CTNNA2: variants seen among roughly 807,000 people sequenced by gnomAD.
CTNNA2 encodes catenin alpha 2.
Under a neutral mutation model 101.0 loss-of-function variants are expected in CTNNA2, and 42 were observed. That is an observed-to-expected ratio of 0.42 (90% confidence interval 0.32 to 0.54). The LOEUF (loss-of-function observed/expected upper bound fraction) is 0.54, where lower values mean the gene tolerates loss of function less well. CTNNA2 is among the 20% of genes least tolerant of loss of function. CTNNA2 has a pLI of 0.14. For missense variants in CTNNA2, 871 were observed against 1,223.1 expected (o/e 0.71, Z 4.29); for synonymous variants, 450 against 456.4 (o/e 0.99, Z 0.18).
chr2:80,587,153 T>C (rs1290716960), intron 14 of CTNNA2, among the ~76,000 whole-genome samples: 1 of 152,170 alleles, frequency 6.6e-6, no homozygotes, highest in Admixed American at 6.5e-5. Flanking sequence ...AGGAATTCTA[T>C]GAATTTCTCT....
intron 1 of CTNNA2, 52 bp downstream of exon 1, chr2:79,513,259 A>T (rs1048512424): frequency 5.4e-5 from 1 of 18,616 alleles, no homozygotes. Flanking sequence ...CTCCCTCCCC[A>T]CCTCCCTCCC....
At chr2:80,389,429 A>G (rs1293911393) in intron 7 of CTNNA2, among the ~76,000 whole-genome samples, 2 of 151,906 alleles carry the variant, frequency 1.3e-5, no homozygotes, top group African/African-American at 4.8e-5. Context: ...CTCCCTCCTC[A>G]CTATCCCCCA....
intron 1 of CTNNA2, among the ~76,000 whole-genome samples, chr2:79,584,877 CAGTCTCACAT>C (rs1400123374): frequency 6.6e-6 from 1 of 152,162 alleles, no homozygotes; most frequent in Admixed American, 6.5e-5. Flanking sequence ...GTGTATGCAC[CAGTCTCACAT>C]AGACATCCGG....
At chr2:80,217,087 C>T (rs1477227758) in intron 7 of CTNNA2, among the ~76,000 whole-genome samples, 1 of 152,058 alleles carries the variant, frequency 6.6e-6, no homozygotes, top group Admixed American at 6.6e-5. Context: ...CCACCTCGGC[C>T]TCCCAAAATG....
At chr2:80,377,036 A>G (rs1293559756) in intron 7 of CTNNA2, among the ~76,000 whole-genome samples, 2 of 152,202 alleles carry the variant, frequency 1.3e-5, no homozygotes, top group African/African-American at 4.8e-5. Flanking sequence ...TGAATTCCTC[A>G]TGACTGGACT....
chr2:79,427,743 A>G (rs1387517685), intron 4 of CTNNA2, among the ~76,000 whole-genome samples: 1 of 151,700 alleles, frequency 6.6e-6, no homozygotes, highest in Non-Finnish European at 1.5e-5. Flanking sequence ...TTCCGTTCAT[A>G]CTCTGAGGTC....
At chr2:79,827,629 A>T (rs1435421026) in intron 3 of CTNNA2, among the ~76,000 whole-genome samples, 1 of 152,232 alleles carries the variant, frequency 6.6e-6, no homozygotes, top group African/African-American at 2.4e-5. Flanking sequence ...GCCAGCATTT[A>T]CATAGAGACT....
intron 3 of CTNNA2, among the ~76,000 whole-genome samples, chr2:79,755,935 C>T (rs543303126): frequency 3.9e-5 from 6 of 152,154 alleles, no homozygotes; most frequent in South Asian, 4.1e-4. Flanking sequence ...AATGCATACA[C>T]GTGAAAATGT....
intron 3 of CTNNA2, among the ~76,000 whole-genome samples, chr2:79,791,798 C>T (rs1317258705): frequency 6.6e-6 from 1 of 152,158 alleles, no homozygotes; most frequent in Non-Finnish European, 1.5e-5. Flanking sequence ...GCTGCAAATT[C>T]TCAGCATTCA....
At chr2:80,132,535 G>A (rs1280002678) in intron 7 of CTNNA2, among the ~76,000 whole-genome samples, 2 of 152,060 alleles carry the variant, frequency 1.3e-5, no homozygotes, top group Non-Finnish European at 2.9e-5. Context: ...TGGTGTAAGG[G>A]CTTTATCATT....
At chr2:79,436,661 T>C (rs1265337233) in intron 4 of CTNNA2, among the ~76,000 whole-genome samples, 1 of 151,692 alleles carries the variant, frequency 6.6e-6, no homozygotes, top group Non-Finnish European at 1.5e-5. Flanking sequence ...AGGCAGAGTC[T>C]TGCTCTCTCA....
intron 4 of CTNNA2, among the ~76,000 whole-genome samples, chr2:79,450,461 A>C (rs1171018261): frequency 6.6e-6 from 1 of 152,052 alleles, no homozygotes; most frequent in Non-Finnish European, 1.5e-5. Context: ...CCACTCTAAC[A>C]GTGGCCATGA....
At chr2:79,660,659 T>C (rs1048092972) in intron 2 of CTNNA2, among the ~76,000 whole-genome samples, 1 of 152,112 alleles carries the variant, frequency 6.6e-6, no homozygotes, top group Admixed American at 6.6e-5. Flanking sequence ...ACTTCTGAAA[T>C]AGGAGTTTAA....
intron 7 of CTNNA2, among the ~76,000 whole-genome samples, chr2:80,246,058 T>C (rs1016934245): frequency 3.3e-5 from 5 of 152,066 alleles, no homozygotes; most frequent in African/African-American, 1.2e-4. Flanking sequence ...CCTCCTGAAG[T>C]GCTGGGATTA....
intron 3 of CTNNA2, among the ~76,000 whole-genome samples, chr2:79,314,276 T>G (rs956509336): frequency 6.6e-6 from 1 of 152,130 alleles, no homozygotes; most frequent in Non-Finnish European, 1.5e-5. Context: ...CCGTAGAAAA[T>G]GCAGAAGTAG....
At chr2:80,178,859 ATTTTAGTTGGCTTTAT>A (rs1471530470) in intron 7 of CTNNA2, among the ~76,000 whole-genome samples, 2 of 152,170 alleles carry the variant, frequency 1.3e-5, no homozygotes, top group Non-Finnish European at 2.9e-5. Flanking sequence ...AGGTCCCTGA[ATTTTAGTTGGCTTTAT>A]TTTCCATCCT....
chr2:79,860,770 T>C (rs776260167), intron 4 of CTNNA2, among the ~76,000 whole-genome samples: 1 of 152,126 alleles, frequency 6.6e-6, no homozygotes, highest in Non-Finnish European at 1.5e-5. Flanking sequence ...TGCCATCTGG[T>C]GTTTTCTCTC....
At chr2:80,569,066 A>G (rs1012507057) in intron 12 of CTNNA2, among the ~76,000 whole-genome samples, 4 of 152,096 alleles carry the variant, frequency 2.6e-5, no homozygotes, top group African/African-American at 7.2e-5. Context: ...TTGACCTTGC[A>G]TTTTGCCCTT....
intron 12 of CTNNA2, among the ~76,000 whole-genome samples, chr2:80,564,083 T>G (rs191248174): frequency 1.9e-4 from 29 of 152,338 alleles, no homozygotes; most frequent in Admixed American, 1.8e-3. Flanking sequence ...CACAGTTACC[T>G]TATTCTGGGG....
Sources: gnomAD v4.1 joint callset for allele counts (sites outside exome capture counted in the v4.1 genomes callset) on GRCh38, gnomAD v4.1.1 for gene constraint, MANE v1.5 for transcripts, NCBI Gene and HGNC (gene_info 2026-07-23, HGNC 2026-07-21) for gene names.